TRIQK: variants seen among roughly 807,000 people sequenced by gnomAD.
TRIQK encodes the protein triple QxxK/R motif-containing protein.
Under a neutral mutation model 10.8 loss-of-function variants are expected in TRIQK, and 10 were observed. The ratio of observed to expected loss-of-function variants is 0.92; its 90% CI spans 0.57 to 1.57. The LOEUF is 1.57. TRIQK is among the 40% of genes most tolerant of loss of function. TRIQK has a pLI of 0.00. For synonymous variants in TRIQK, 33 were observed against 33.7 expected (o/e 0.98, Z 0.07); for missense variants, 107 against 97.7 (o/e 1.09, Z -0.40).
At chr8:92,938,029 C>T (rs572320333) in intron 2 of TRIQK, among the ~76,000 whole-genome samples, 2 of 152,004 alleles carry the variant, frequency 1.3e-5, no homozygotes, top group African/African-American at 2.4e-5. Flanking sequence ...ACATTACTTG[C>T]AGTGCAAGTC....
intron 2 of TRIQK, among the ~76,000 whole-genome samples, chr8:92,935,417 GT>G (rs1215966043): frequency 6.6e-6 from 1 of 151,602 alleles, no homozygotes; most frequent in Non-Finnish European, 1.5e-5. Flanking sequence ...TACATATTCT[GT>G]TTTGTGCACG....
At chr8:93,011,980 A>C (rs1813340239) in intron 1 of TRIQK, among the ~76,000 whole-genome samples, 2 of 152,300 alleles carry the variant, frequency 1.3e-5, no homozygotes, top group South Asian at 4.1e-4. Context: ...GATGGTGGAC[A>C]GTTTGGGGAC....
rs560121346 is a variant in TRIQK at position 92,930,334 on chromosome 8, G to A, written c.-21-13324C>T. ...GAACCCGGGAGGTGGAGGTTGCAGTGAGCCGGAATTGAGCCACTGAGCTCC... is the reference window on the plus strand; with the variant it reads ...GAACCCGGGAGGTGGAGGTTGCAGTAAGCCGGAATTGAGCCACTGAGCTCC... On this transcript the variant is annotated intron_variant, in intron 2 of 4. Coordinates refer to ENST00000521988, the MANE Select transcript of TRIQK (RefSeq NM_001171797.2). Among the ~76,000 whole-genome samples the A allele has an allele frequency of 3.1e-4, 42 of 134,566 alleles. 1 individual carries two copies. Among genetic ancestry groups the A allele is most frequent in the South Asian group, 3.0e-3 (12 of 4,012 alleles). The allele number at this position is 134,566 out of a possible 152,430, so 88.3% of individuals were successfully genotyped here. A position where few individuals can be genotyped will look rare whatever the true frequency, so the allele number is the denominator to read the frequency against.
At chr8:92,935,708 C>T (rs1299901928) in intron 2 of TRIQK, among the ~76,000 whole-genome samples, 2 of 150,500 alleles carry the variant, frequency 1.3e-5, no homozygotes, top group South Asian at 2.1e-4. Context: ...CTTGTCCTGA[C>T]GGAATAAGAA....
At chr8:92,928,886 A>G (rs111780706) in intron 2 of TRIQK, among the ~76,000 whole-genome samples, 2,778 of 152,318 alleles carry the variant, frequency 0.018, 43 homozygotes, top group South Asian at 0.049. Context: ...CTTTTTAATA[A>G]GATTAGAAAG....
intron 2 of TRIQK, among the ~76,000 whole-genome samples, chr8:92,924,638 TG>T (rs1282422299): frequency 6.6e-6 from 1 of 151,042 alleles, no homozygotes; most frequent in Non-Finnish European, 1.5e-5. Context: ...CTTAAGGAAA[TG>T]AAAAAAAAAG....
intron 1 of TRIQK, among the ~76,000 whole-genome samples, chr8:93,014,419 G>A (rs1012545671): frequency 1.3e-5 from 2 of 151,958 alleles, no homozygotes; most frequent in South Asian, 2.1e-4. Context: ...GAGGAAAAAA[G>A]TCTTAACATT....
At chr8:93,006,512 T>C (rs1318673124) in intron 1 of TRIQK, among the ~76,000 whole-genome samples, 1 of 151,712 alleles carries the variant, frequency 6.6e-6, no homozygotes, top group Non-Finnish European at 1.5e-5. Context: ...CTGTGCAGAG[T>C]CCCAGTGGCG....
At chr8:92,900,328 C>A (rs1808860094) in intron 3 of TRIQK, among the ~76,000 whole-genome samples, 1 of 152,100 alleles carries the variant, frequency 6.6e-6, no homozygotes, top group Non-Finnish European at 1.5e-5. Context: ...TTACCCAATC[C>A]AATTTCCTGG....
chr8:92,909,703 A>T (rs1809468171), intron 3 of TRIQK, among the ~76,000 whole-genome samples: 1 of 151,754 alleles, frequency 6.6e-6, no homozygotes, highest in South Asian at 2.1e-4. Context: ...TTTCCAAGAA[A>T]ATTCATATTA....
Position 92,946,873 on chromosome 8 carries a change from G to A in TRIQK, c.-22+7533C>T, listed in dbSNP as rs776059129. Reference sequence around the variant, plus strand: ...CCTGCTGGGTTCACGCCATTCTCCTGCCTCAGCCTCAGAGTAGCTGGGACC... The same window carrying A: ...CCTGCTGGGTTCACGCCATTCTCCTACCTCAGCCTCAGAGTAGCTGGGACC... On this transcript the variant is annotated intron_variant, in intron 2 of 4. Coordinates refer to ENST00000521988, the MANE Select transcript of TRIQK (RefSeq NM_001171797.2). Among the ~76,000 whole-genome samples, 85 of 151,344 alleles carry A rather than the reference G, an allele frequency of 5.6e-4. 1 individual carries two copies. Among genetic ancestry groups the A allele is most frequent in the South Asian group, 6.2e-4 (3 of 4,808 alleles).
chr8:92,975,029 G>C (rs1370742579), intron 1 of TRIQK, among the ~76,000 whole-genome samples: 2 of 152,162 alleles, frequency 1.3e-5, no homozygotes, highest in Non-Finnish European at 2.9e-5. Flanking sequence ...TCCTATTTCT[G>C]GCAGGCCTGG....
At chr8:93,000,023 T>C (rs1386004465) in intron 1 of TRIQK, among the ~76,000 whole-genome samples, 1 of 152,078 alleles carries the variant, frequency 6.6e-6, no homozygotes, top group Non-Finnish European at 1.5e-5. Flanking sequence ...ACTTCCATCA[T>C]GGTCTCTATA....
chr8:92,964,464 C>CTATA (rs71563502), intron 1 of TRIQK, among the ~76,000 whole-genome samples: 2,286 of 142,254 alleles, frequency 0.016, 35 homozygotes, highest in Admixed American at 0.024. Flanking sequence ...ATATATATAT[C>CTATA]TATATATATA....
chr8:92,907,809 A>T (rs982379333), intron 3 of TRIQK, among the ~76,000 whole-genome samples: 4 of 151,840 alleles, frequency 2.6e-5, no homozygotes, highest in African/African-American at 7.2e-5. Flanking sequence ...CTGTCCCTAT[A>T]AAAAAAACAC....
intron 1 of TRIQK, among the ~76,000 whole-genome samples, chr8:93,000,951 G>A (rs1289012196): frequency 1.3e-5 from 2 of 149,918 alleles, no homozygotes; most frequent in Non-Finnish European, 1.5e-5. Context: ...TAACACAATG[G>A]CAAAAGTAAG....
chr8:92,972,441 T>C (rs1409319489), intron 1 of TRIQK: 1 of 152,236 alleles, frequency 6.6e-6, no homozygotes, highest in East Asian at 1.9e-4. Context: ...TTATTTGTGG[T>C]TATTCTAGAG....
intron 1 of TRIQK, among the ~76,000 whole-genome samples, chr8:92,990,616 C>G (rs187668253): frequency 2.0e-5 from 3 of 152,046 alleles, no homozygotes. Flanking sequence ...GCTGAAGCAG[C>G]GTGGGAAGTC....
intron 1 of TRIQK, among the ~76,000 whole-genome samples, chr8:92,992,781 T>C (rs78539871): frequency 0.015 from 2,310 of 152,164 alleles, 35 homozygotes; most frequent in South Asian, 0.072. Context: ...AACAGAAGAC[T>C]GAGTAAAACC....
Sources: gnomAD v4.1 joint callset for allele counts (sites outside exome capture counted in the v4.1 genomes callset) on GRCh38, gnomAD v4.1.1 for gene constraint, MANE v1.5 for transcripts, NCBI Gene and HGNC (gene_info 2026-07-23, HGNC 2026-07-21) for gene names.